Variants in ZFHX3 observed in about 807,000 individuals in gnomAD.
The protein encoded by ZFHX3 is zinc finger homeobox 3, also known as zinc finger homeobox protein 3.
In ZFHX3, 42 loss-of-function variants were observed where a neutral mutation model predicts 279.1. The observed-to-expected ratio is 0.15, with a 90% confidence interval of 0.12 to 0.19. The LOEUF (loss-of-function observed/expected upper bound fraction) is 0.19. ZFHX3 is among the 10% of genes least tolerant of loss of function. The pLI is 1.00. For missense variants in ZFHX3, 4,981 were observed against 4,754.0 expected (o/e 1.05, Z -1.40); for synonymous variants, 2,293 against 1,957.8 (o/e 1.17, Z -4.52).
chr16:72,961,995 G>C (rs1961602745), intron 1 of ZFHX3, among the ~76,000 whole-genome samples: 1 of 152,184 alleles, frequency 6.6e-6, no homozygotes, highest in Admixed American at 6.5e-5. Flanking sequence ...CTGCAGGGCG[G>C]CTCTTCTTAG....
intron 3 of ZFHX3, among the ~76,000 whole-genome samples, chr16:72,925,352 CT>C (rs1236762461): frequency 2.0e-5 from 3 of 152,190 alleles, no homozygotes; most frequent in Non-Finnish European, 4.4e-5. Context: ...CTAGCTTATA[CT>C]TTTTAAACAC....
At chr16:73,292,698 G>A (rs1038081342) in intron 4 of ZFHX3, among the ~76,000 whole-genome samples, 4 of 152,048 alleles carry the variant, frequency 2.6e-5, no homozygotes, top group African/African-American at 9.7e-5. Flanking sequence ...TGGCGGGAGC[G>A]GGCCTCAGGG....
chr16:73,862,775 C>A (rs149972198), intron 1 of ZFHX3, among the ~76,000 whole-genome samples: 7 of 151,882 alleles, frequency 4.6e-5, no homozygotes, highest in African/African-American at 1.7e-4. Flanking sequence ...AGACCCTGTA[C>A]AATCAATCAA....
At chr16:72,806,410 A>G (rs182182845) in intron 7 of ZFHX3, among the ~76,000 whole-genome samples, 2 of 152,220 alleles carry the variant, frequency 1.3e-5, no homozygotes, top group African/African-American at 2.4e-5. Context: ...TGGAGAGAAA[A>G]CCTTCATTAG....
intron 2 of ZFHX3, among the ~76,000 whole-genome samples, chr16:73,501,966 A>T (rs1427469436): frequency 1.3e-5 from 2 of 151,950 alleles, no homozygotes; most frequent in South Asian, 2.1e-4. Flanking sequence ...TATTTTTTTT[A>T]AAACAAAGCT....
chr16:73,570,431 A>G (rs2143805149), intron 2 of ZFHX3, among the ~76,000 whole-genome samples: 1 of 152,244 alleles, frequency 6.6e-6, no homozygotes, highest in South Asian at 2.1e-4. Flanking sequence ...TGCTTTTCTG[A>G]TTCCTTCCTA....
At chr16:73,839,789 C>T (rs956967730) in intron 1 of ZFHX3, among the ~76,000 whole-genome samples, 6 of 152,212 alleles carry the variant, frequency 3.9e-5, no homozygotes, top group Admixed American at 1.3e-4. Context: ...TGCTGCCCTC[C>T]GACATGGGAA....
chr16:73,074,252 C>G (rs529863977), intron 8 of ZFHX3, among the ~76,000 whole-genome samples: 9 of 152,196 alleles, frequency 5.9e-5, no homozygotes, highest in East Asian at 1.9e-4. Flanking sequence ...CTTCCTCACG[C>G]GGACCCTGTC....
chr16:72,967,886 C>A (rs1445994802), intron 1 of ZFHX3, among the ~76,000 whole-genome samples: 1 of 150,698 alleles, frequency 6.6e-6, no homozygotes, highest in East Asian at 1.9e-4. Context: ...CGAGATCGTG[C>A]CACTGCACTC....
chr16:73,382,152 A>G (rs139338883), intron 3 of ZFHX3, among the ~76,000 whole-genome samples: 221 of 152,370 alleles, frequency 1.5e-3, no homozygotes, highest in Non-Finnish European at 2.7e-3. Flanking sequence ...GCAAGGACTT[A>G]AATGTAAAAC....
At chr16:73,337,870 A>G (rs945782852) in intron 3 of ZFHX3, among the ~76,000 whole-genome samples, 5 of 125,394 alleles carry the variant, frequency 4.0e-5, no homozygotes, top group African/African-American at 1.2e-4. Flanking sequence ...TCCAATTTCA[A>G]TAAGTCTTCA....
chr16:72,848,150 G>A (rs1020751518), intron 4 of ZFHX3, among the ~76,000 whole-genome samples: 2 of 152,162 alleles, frequency 1.3e-5, no homozygotes, highest in African/African-American at 2.4e-5. Context: ...GGGGATGGGG[G>A]TGCTGAGGGG....
chr16:73,764,163 T>C (rs2053901824), intron 1 of ZFHX3, among the ~76,000 whole-genome samples: 1 of 152,160 alleles, frequency 6.6e-6, no homozygotes, highest in African/African-American at 2.4e-5. Flanking sequence ...GCTGTGCCAG[T>C]GTGTCAGACA....
At chr16:72,998,945 A>T (rs937621578) in intron 1 of ZFHX3, among the ~76,000 whole-genome samples, 1 of 152,148 alleles carries the variant, frequency 6.6e-6, no homozygotes, top group Non-Finnish European at 1.5e-5. Flanking sequence ...AAATCCTCAT[A>T]ACCCTTTAAC....
At chr16:73,398,788 C>G (rs2017184344) in intron 3 of ZFHX3, among the ~76,000 whole-genome samples, 1 of 152,192 alleles carries the variant, frequency 6.6e-6, no homozygotes, top group Non-Finnish European at 1.5e-5. Context: ...CTGGGAACTC[C>G]TATAACACTG....
chr16:73,105,487 C>T (rs931456323), intron 7 of ZFHX3, among the ~76,000 whole-genome samples: 5 of 143,448 alleles, frequency 3.5e-5, no homozygotes, highest in Admixed American at 7.2e-5. Flanking sequence ...CGTGCTGGCT[C>T]ACACCTGTAA....
At chr16:73,276,152 G>A (rs2014294583) in intron 4 of ZFHX3, among the ~76,000 whole-genome samples, 1 of 148,750 alleles carries the variant, frequency 6.7e-6, no homozygotes, top group African/African-American at 2.5e-5. Context: ...TGGAGGGGCT[G>A]TATTTCTTTT....
intron 1 of ZFHX3, among the ~76,000 whole-genome samples, chr16:73,720,799 T>A (rs2053466755): frequency 6.6e-6 from 1 of 152,236 alleles, no homozygotes; most frequent in East Asian, 1.9e-4. Flanking sequence ...TTATTAATAC[T>A]GCAAAAAGCA....
intron 1 of ZFHX3, among the ~76,000 whole-genome samples, chr16:73,831,223 G>GA (rs533055477): frequency 3.7e-4 from 57 of 152,272 alleles, no homozygotes; most frequent in African/African-American, 1.3e-3. Flanking sequence ...AAGGGCAACA[G>GA]AAAAATCACA....
Sources: gnomAD v4.1 joint callset for allele counts (sites outside exome capture counted in the v4.1 genomes callset) on GRCh38, gnomAD v4.1.1 for gene constraint, MANE v1.5 for transcripts, NCBI Gene and HGNC (gene_info 2026-07-23, HGNC 2026-07-21) for gene names.